Variants in NRG1 observed in about 807,000 individuals in gnomAD.
NRG1 encodes the protein pro-neuregulin-1, membrane-bound isoform.
NRG1 carries 18 observed loss-of-function variants against 63.8 expected under a neutral mutation model. That is an observed-to-expected ratio of 0.28 (90% CI 0.19 to 0.42). NRG1 has a LOEUF of 0.42. Among genes scored for constraint, NRG1 ranks in the 10% least tolerant of loss-of-function variants. The pLI is 1.00. For missense variants in NRG1, 762 were observed against 814.7 expected (o/e 0.94, Z 0.79); for synonymous variants, 302 against 301.3 (o/e 1.00, Z -0.02).
At chr8:32,719,989 A>AC (rs1005233441) in intron 5 of NRG1, among the ~76,000 whole-genome samples, 1 of 152,016 alleles carries the variant, frequency 6.6e-6, no homozygotes, top group African/African-American at 2.4e-5. Context: ...TGACCATATG[A>AC]CTTTTATTTG....
At chr8:31,738,127 T>C (rs996799283) in intron 1 of NRG1, among the ~76,000 whole-genome samples, 1 of 152,046 alleles carries the variant, frequency 6.6e-6, no homozygotes, top group Admixed American at 6.6e-5. Context: ...GTAGGGAGGA[T>C]GTTGCAGAAA....
intron 1 of NRG1, among the ~76,000 whole-genome samples, chr8:31,905,098 G>C (rs1473056989): frequency 6.6e-6 from 1 of 152,004 alleles, no homozygotes; most frequent in Non-Finnish European, 1.5e-5. Context: ...AGAAGAAGCT[G>C]ATCTATGGAG....
intron 1 of NRG1, among the ~76,000 whole-genome samples, chr8:31,996,156 AG>A (rs1811937598): frequency 6.6e-6 from 1 of 151,644 alleles, no homozygotes; most frequent in Non-Finnish European, 1.5e-5. Flanking sequence ...TCCATTTAAC[AG>A]GCCTCATTTC....
chr8:31,761,760 A>G (rs1409908486), intron 1 of NRG1, among the ~76,000 whole-genome samples: 1 of 152,196 alleles, frequency 6.6e-6, no homozygotes, highest in Non-Finnish European at 1.5e-5. Flanking sequence ...AAATATAATG[A>G]TAAAAATAAT....
intron 1 of NRG1, among the ~76,000 whole-genome samples, chr8:31,972,640 C>T (rs1443315697): frequency 6.6e-6 from 1 of 152,142 alleles, no homozygotes; most frequent in Non-Finnish European, 1.5e-5. Flanking sequence ...ACTCTCTTGG[C>T]CTTTCAACTC....
At chr8:32,182,710 C>T (rs2132117486) in intron 1 of NRG1, among the ~76,000 whole-genome samples, 1 of 152,202 alleles carries the variant, frequency 6.6e-6, no homozygotes, top group South Asian at 2.1e-4. Flanking sequence ...CAAAATTCTT[C>T]TAATTATGTA....
intron 1 of NRG1, among the ~76,000 whole-genome samples, chr8:31,729,763 A>G (rs1426803420): frequency 6.6e-6 from 1 of 152,186 alleles, no homozygotes; most frequent in African/African-American, 2.4e-5. Flanking sequence ...TGAAAATGAA[A>G]AAGGATCTGG....
At chr8:32,273,137 C>A (rs1169542835) in intron 1 of NRG1, among the ~76,000 whole-genome samples, 9 of 152,158 alleles carry the variant, frequency 5.9e-5, no homozygotes, top group Admixed American at 5.9e-4. Flanking sequence ...TGGTTGTGGC[C>A]AAATTCCACC....
chr8:32,322,197 A>T (rs1403843062), intron 1 of NRG1, among the ~76,000 whole-genome samples: 3 of 151,774 alleles, frequency 2.0e-5, no homozygotes, highest in Admixed American at 6.6e-5. Context: ...TCTAAAAAAA[A>T]AGAAAAAAAA....
intron 1 of NRG1, among the ~76,000 whole-genome samples, chr8:32,215,310 T>G (rs1845100347): frequency 1.3e-5 from 2 of 152,180 alleles, no homozygotes; most frequent in Non-Finnish European, 2.9e-5. Context: ...GTGCTATAGC[T>G]CCTCTTGCTT....
At position 32,718,541 on chromosome 8, in the gene NRG1, C is replaced by G. The variant is rs115378429; in HGVS notation, c.503-9408C>G. On this transcript the variant is annotated intron_variant, in intron 5 of 11. Transcript: ENST00000356819. ...CTCAAAAGCCTAACTCTCTTCATGGCCTACATATTAAACATTAATTCCAAC... is the reference window on the plus strand; with the variant it reads ...CTCAAAAGCCTAACTCTCTTCATGGGCTACATATTAAACATTAATTCCAAC... Among the ~76,000 whole-genome samples, 1,076 of 152,172 alleles carry G rather than the reference C, an allele frequency of 7.1e-3. 10 individuals are homozygous for G. The highest frequency in any genetic ancestry group is 0.024 in the African/African-American group (1,000 of 41,540).
intron 5 of NRG1, among the ~76,000 whole-genome samples, chr8:32,652,444 C>T (rs909139617): frequency 6.6e-6 from 1 of 151,936 alleles, no homozygotes; most frequent in African/African-American, 2.4e-5. Flanking sequence ...ATTTTGTTTT[C>T]TCCTCTCTAT....
chr8:31,656,130 A>C (rs1805411748), intron 1 of NRG1, among the ~76,000 whole-genome samples: 1 of 152,150 alleles, frequency 6.6e-6, no homozygotes, highest in South Asian at 2.1e-4. Context: ...TTGCTTAGGG[A>C]AGGTGGGAGA....
At chr8:31,695,004 G>A (rs931994626) in intron 1 of NRG1, among the ~76,000 whole-genome samples, 1 of 152,184 alleles carries the variant, frequency 6.6e-6, no homozygotes, top group East Asian at 1.9e-4. Context: ...AATTTACGAA[G>A]CAAAGAGGTT....
chr8:32,432,863 A>C (rs993345602), intron 1 of NRG1, among the ~76,000 whole-genome samples: 41 of 152,190 alleles, frequency 2.7e-4, no homozygotes, highest in African/African-American at 8.9e-4. Flanking sequence ...TTTTTCAGCA[A>C]GTCGCATTCG....
chr8:32,389,475 G>T (rs986061940), intron 1 of NRG1, among the ~76,000 whole-genome samples: 13 of 152,080 alleles, frequency 8.5e-5, no homozygotes, highest in African/African-American at 2.9e-4. Context: ...TTTCTAATAT[G>T]TGCCAACTCT....
At chr8:31,728,582 G>T (rs1295287866) in intron 1 of NRG1, among the ~76,000 whole-genome samples, 2 of 151,860 alleles carry the variant, frequency 1.3e-5, no homozygotes, top group African/African-American at 2.4e-5. Context: ...AAACCAAAAG[G>T]GTGCATCAAT....
intron 7 of NRG1, chr8:32,743,207 A>C (rs1826756694): frequency 1.6e-5 from 16 of 986,072 alleles, no homozygotes; most frequent in Non-Finnish European, 1.9e-5. Flanking sequence ...ATTTGTCACA[A>C]ATAAACATAA....
chr8:32,165,237 C>T (rs1195827146), intron 1 of NRG1, among the ~76,000 whole-genome samples: 1 of 151,768 alleles, frequency 6.6e-6, no homozygotes, highest in African/African-American at 2.4e-5. Flanking sequence ...CTCCTGGGCT[C>T]AAACAATCTT....
Sources: allele counts gnomAD v4.1 joint callset (sites outside exome capture counted in the v4.1 genomes callset), GRCh38; gene constraint gnomAD v4.1.1; transcripts MANE v1.5; gene names NCBI Gene and HGNC (gene_info 2026-07-23, HGNC 2026-07-21).